The following CSMD1 variants were observed in gnomAD, a reference collection of about 807,000 sequenced individuals.
CSMD1 encodes the protein CUB and sushi domain-containing protein 1.
In CSMD1, 213 loss-of-function variants were observed where a neutral mutation model predicts 417.5. That is an observed-to-expected ratio of 0.51 (90% CI 0.46 to 0.57). The LOEUF is 0.57. Ranked by LOEUF, CSMD1 falls within the 20% of genes least tolerant of loss-of-function variation. CSMD1 has a pLI of 0.00. For missense variants in CSMD1, 6,923 were observed against 4,529.7 expected, an observed-to-expected ratio of 1.53 and a Z score of -15.17; for synonymous variants, 2,862 against 1,736.8, an observed-to-expected ratio of 1.65 and a Z score of -16.11.
intron 5 of CSMD1, among the ~76,000 whole-genome samples, chr8:3,874,513 G>C (rs530737646): frequency 6.6e-6 from 1 of 152,286 alleles, no homozygotes; most frequent in African/African-American, 2.4e-5. Context: ...TGAAACACAT[G>C]CTGTCGGCGT....
intron 2 of CSMD1, among the ~76,000 whole-genome samples, chr8:4,434,639 C>T (rs966378427): frequency 7.9e-5 from 12 of 152,176 alleles, no homozygotes; most frequent in African/African-American, 2.9e-4. Flanking sequence ...AGAGTAACAA[C>T]TGGGAAGACA....
rs184232800 is a variant in CSMD1, at chr8:4,244,830, C to A, written c.415+175123G>T. ...ATGTGTATATATGTATGTATATGTT[C>A]TGACCTCCTTCTGGTGTCATTGTAA... On this transcript the variant is annotated intron_variant, in intron 3 of 69. Coordinates refer to ENST00000635120, the MANE Select transcript of CSMD1 (RefSeq NM_033225.6). Among the ~76,000 whole-genome samples the A allele has an allele frequency of 5.3e-3, 813 of 152,162 alleles. 5 individuals carry two copies. The highest frequency in any genetic ancestry group is 0.018 in the African/African-American group (759 of 41,494).
At chr8:3,991,631 T>A (rs1408374331) in intron 5 of CSMD1, among the ~76,000 whole-genome samples, 2 of 152,166 alleles carry the variant, frequency 1.3e-5, no homozygotes, top group African/African-American at 4.8e-5. Flanking sequence ...AAATTAGAAG[T>A]GGAGGGCACT....
intron 3 of CSMD1, among the ~76,000 whole-genome samples, chr8:4,270,231 T>G (rs1180162072): frequency 6.6e-6 from 1 of 152,104 alleles, no homozygotes; most frequent in Non-Finnish European, 1.5e-5. Context: ...ACACCAGGCA[T>G]TTCTTTCTCA....
chr8:3,798,328 CAG>C (rs1462922317), intron 5 of CSMD1, among the ~76,000 whole-genome samples: 2 of 151,964 alleles, frequency 1.3e-5, no homozygotes, highest in Non-Finnish European at 2.9e-5. Flanking sequence ...TAAGACAACT[CAG>C]TATATCTGAT....
intron 10 of CSMD1, among the ~76,000 whole-genome samples, chr8:3,560,601 G>T (rs183430887): frequency 3.9e-5 from 6 of 152,134 alleles, no homozygotes; most frequent in African/African-American, 1.4e-4. Context: ...GAATGGAAAG[G>T]CTAGAGAAAA....
intron 1 of CSMD1, among the ~76,000 whole-genome samples, chr8:4,770,361 TTA>T (rs969705284): frequency 1.5e-4 from 22 of 148,462 alleles, no homozygotes; most frequent in African/African-American, 4.6e-4. Context: ...AATTAAGCTA[TTA>T]TATATATATG....
intron 10 of CSMD1, among the ~76,000 whole-genome samples, chr8:3,523,564 T>C (rs528675984): frequency 3.3e-5 from 5 of 151,802 alleles, no homozygotes; most frequent in East Asian, 3.9e-4. Flanking sequence ...TGCACACAGA[T>C]GCACACACAC....
intron 8 of CSMD1, among the ~76,000 whole-genome samples, chr8:3,601,420 G>C (rs1801355297): frequency 1.3e-5 from 2 of 152,168 alleles, no homozygotes; most frequent in African/African-American, 4.8e-5. Context: ...CTATCAAACA[G>C]GTTTAGAAAA....
intron 49 of CSMD1, among the ~76,000 whole-genome samples, chr8:3,071,288 G>A (rs1353504346): frequency 6.6e-6 from 1 of 152,046 alleles, no homozygotes; most frequent in African/African-American, 2.4e-5. Context: ...AAATGTAAGT[G>A]GGAGATGAAC....
chr8:4,913,758 T>C (rs1013400742), intron 1 of CSMD1, among the ~76,000 whole-genome samples: 20 of 152,180 alleles, frequency 1.3e-4, no homozygotes, highest in Admixed American at 9.8e-4. Context: ...GTCCATGTGT[T>C]ACCAGAATTA....
intron 2 of CSMD1, among the ~76,000 whole-genome samples, chr8:4,498,632 T>G (rs762699956): frequency 2.6e-5 from 4 of 152,162 alleles, no homozygotes; most frequent in African/African-American, 4.8e-5. Context: ...TAAAATAAAG[T>G]TACTTCTTTC....
Position 3,179,033 on chromosome 8 carries a change from T to C in CSMD1, c.5725+2077A>G, listed in dbSNP as rs547639630. 7.8e-3 allele frequency among the ~76,000 whole-genome samples: 1,181 copies of C among 151,462 alleles called. 7 individuals carry two copies. Among genetic ancestry groups the C allele is most frequent in the East Asian group, 0.012 (62 of 5,122 alleles). ...CGCGATCTTGGCTCACTGCAAGCTC[T>C]GCCTCCCGGGTTCACGCCATTCTCC... On this transcript the variant is annotated intron_variant, in intron 37 of 69. Transcript: ENST00000635120.
At chr8:3,679,817 G>A (rs1032854162) in intron 7 of CSMD1, among the ~76,000 whole-genome samples, 8 of 152,110 alleles carry the variant, frequency 5.3e-5, no homozygotes, top group Non-Finnish European at 1.0e-4. Flanking sequence ...TAAAAGAAGC[G>A]AAATTATAAC....
At chr8:3,319,410 C>G (rs982552490) in intron 23 of CSMD1, among the ~76,000 whole-genome samples, 3 of 152,008 alleles carry the variant, frequency 2.0e-5, no homozygotes, top group African/African-American at 7.2e-5. Context: ...TCAAATTAAA[C>G]ATAATTGAAA....
chr8:3,527,484 G>A (rs966647123), intron 10 of CSMD1, among the ~76,000 whole-genome samples: 1 of 152,052 alleles, frequency 6.6e-6, no homozygotes, highest in African/African-American at 2.4e-5. Flanking sequence ...ACTATGAAAA[G>A]GTTTCCCAGG....
intron 2 of CSMD1, among the ~76,000 whole-genome samples, chr8:4,593,096 G>T (rs1432238348): frequency 6.6e-6 from 1 of 152,114 alleles, no homozygotes; most frequent in East Asian, 1.9e-4. Flanking sequence ...ATGCATCCGG[G>T]CCATTTCTTG....
chr8:4,087,387 C>G (rs779744608), intron 3 of CSMD1, among the ~76,000 whole-genome samples: 2 of 152,236 alleles, frequency 1.3e-5, no homozygotes, highest in African/African-American at 4.8e-5. Context: ...ACCTAACACA[C>G]ATAGCTGTTC....
intron 46 of CSMD1, among the ~76,000 whole-genome samples, chr8:3,098,900 T>A (rs999817927): frequency 4.6e-5 from 7 of 152,000 alleles, no homozygotes; most frequent in African/African-American, 1.7e-4. Context: ...TTTTTTTTTT[T>A]TAAATCTAAA....
Sources: gnomAD v4.1 joint callset for allele counts (sites outside exome capture counted in the v4.1 genomes callset) on GRCh38, gnomAD v4.1.1 for gene constraint, MANE v1.5 for transcripts, NCBI Gene and HGNC (gene_info 2026-07-23, HGNC 2026-07-21) for gene names.